The following LCK variants were observed in gnomAD, a reference collection of about 807,000 sequenced individuals.
LCK encodes LCK proto-oncogene, Src family tyrosine kinase.
In LCK, 14 loss-of-function variants were observed where a neutral mutation model predicts 64.6. That is an observed-to-expected ratio of 0.22 (90% CI 0.14 to 0.34). The LOEUF is 0.34. Ranked by LOEUF, LCK falls within the 10% of genes least tolerant of loss-of-function variation. LCK has a pLI of 1.00. For synonymous variants in LCK, 277 were observed against 263.6 expected, an observed-to-expected ratio of 1.05 and a Z score of -0.49; for missense variants, 434 against 668.1, an observed-to-expected ratio of 0.65 and a Z score of 3.86.
intron 1 of LCK, among the ~76,000 whole-genome samples, chr1:32,254,260 T>C (rs1376193617): frequency 6.6e-6 from 1 of 152,152 alleles, no homozygotes; most frequent in Non-Finnish European, 1.5e-5. Flanking sequence ...GGCTCACGCC[T>C]GTAATCCCAG....
chr1:32,256,795 C>T (rs979179633), intron 1 of LCK, among the ~76,000 whole-genome samples: 7 of 152,132 alleles, frequency 4.6e-5, no homozygotes, highest in African/African-American at 1.7e-4. Context: ...GACCTGTACA[C>T]CACTCAGGTG....
intron 12 of LCK, among the ~76,000 whole-genome samples, chr1:32,280,443 CTTTTTTTTTT>C (rs770430504): frequency 1.5e-4 from 13 of 84,756 alleles, no homozygotes; most frequent in Non-Finnish European, 1.9e-4. Context: ...TTTTCTTTTT[CTTTTTTTTTT>C]TTTTTTTTTT....
At chr1:32,259,050 A>G (rs1199723809) in intron 1 of LCK, among the ~76,000 whole-genome samples, 4 of 151,692 alleles carry the variant, frequency 2.6e-5, no homozygotes, top group Non-Finnish European at 1.5e-5. Flanking sequence ...TTATGTATTT[A>G]AACAAATATG....
intron 12 of LCK, among the ~76,000 whole-genome samples, chr1:32,283,285 T>C (rs1640515447): frequency 8.4e-6 from 1 of 119,466 alleles, no homozygotes; most frequent in African/African-American, 3.6e-5. Context: ...CGAGACTCTG[T>C]CTCAAAAAAA....
intron 2 of LCK, 112 bp from the exon 3 acceptor site, chr1:32,274,625 G>A: frequency 1.0e-6 from 1 of 1,000,042 alleles, no homozygotes; most frequent in East Asian, 2.5e-5. Context: ...GGTAAACTCA[G>A]GGATAACATC....
Position 32,276,869 on chromosome 1 carries a change from T to C in LCK, c.964+83T>C. The C allele has an allele frequency of 2.2e-6, 3 of 1,350,878 alleles. No homozygotes were observed. Among genetic ancestry groups the C allele is most frequent in the Non-Finnish European group, 3.0e-6 (3 of 1,014,488 alleles). 83.7% of individuals were successfully genotyped at this position (1,350,878 alleles called of 1,614,324 possible). ...GAGGGTGGAAATACACCTTTTCTTC[T>C]GGCCCAAAGCTCAAGCAAGGAGGGT... On this transcript the variant is annotated intron_variant, in intron 9 of 12. Transcript: ENST00000336890. The surrounding 1 kb of genome is among the most constrained non-coding windows in gnomAD (Gnocchi z 4.6).
At chr1:32,263,495 C>A (rs772907715) in intron 1 of LCK, among the ~76,000 whole-genome samples, 1 of 151,818 alleles carries the variant, frequency 6.6e-6, no homozygotes, top group African/African-American at 2.4e-5. Flanking sequence ...CCAACACTTT[C>A]GGAGTCTGAG....
chr1:32,279,162 G>A (rs1640372828), intron 9 of LCK, among the ~76,000 whole-genome samples: 1 of 152,200 alleles, frequency 6.6e-6, no homozygotes, highest in African/African-American at 2.4e-5. Flanking sequence ...GCCCATGGGA[G>A]TGTAGATGAT....
chr1:32,259,309 G>GA (rs1639708040), intron 1 of LCK, among the ~76,000 whole-genome samples: 1 of 142,096 alleles, frequency 7.0e-6, no homozygotes, highest in African/African-American at 2.6e-5. Context: ...AAAAGAAAAA[G>GA]AAAAAGAAAA....
intron 1 of LCK, among the ~76,000 whole-genome samples, chr1:32,268,022 A>G (rs747946763): frequency 1.2e-4 from 18 of 151,036 alleles, no homozygotes; most frequent in Non-Finnish European, 1.6e-4. Context: ...ATGAAACCCC[A>G]TCTCTACTAA....
In LCK at chr1:32,276,290, C is replaced by G. The variant is rs372584352; in HGVS notation, c.632-47C>G. The G allele has an allele frequency of 3.3e-6, 5 of 1,524,566 alleles. No homozygotes were observed. In the South Asian group the frequency reaches 6.4e-5, roughly 20 times the overall value. 94.4% of individuals were successfully genotyped at this position (1,524,566 alleles called of 1,614,324 possible). On this transcript the variant is annotated intron_variant, in intron 7 of 12. Coordinates refer to ENST00000336890, the MANE Select transcript of LCK (RefSeq NM_005356.5). This position sits in a 1 kb window ranked among gnomAD's most constrained non-coding sequence, Gnocchi z 4.6. ...AGAAGTGGGGGAGGTGGTGTCAATA[C>G]GAGGCCTGCCCTATTGACAGCCTTC...
At chr1:32,283,115 C>G (rs956445903) in intron 12 of LCK, among the ~76,000 whole-genome samples, 1 of 151,652 alleles carries the variant, frequency 6.6e-6, no homozygotes, top group Non-Finnish European at 1.5e-5. Context: ...ATAGTGAAAC[C>G]CCATCTCTAC....
chr1:32,269,631 A>T (rs1485086898), intron 1 of LCK: 1 of 151,674 alleles, frequency 6.6e-6, no homozygotes, highest in East Asian at 2.0e-4. Flanking sequence ...ACAGGGTTTC[A>T]CCATGTTGGC....
At chr1:32,279,461 C>A (rs1490141663) in intron 9 of LCK, 2 of 758,030 alleles carry the variant, frequency 2.6e-6, no homozygotes, top group Non-Finnish European at 4.2e-6. Context: ...ACCTACAGAT[C>A]CCTCCCAGCA....
At chr1:32,254,457 A>T (rs958569058) in intron 1 of LCK, among the ~76,000 whole-genome samples, 3 of 152,182 alleles carry the variant, frequency 2.0e-5, no homozygotes, top group African/African-American at 7.2e-5. Context: ...AGTAACTGGG[A>T]TTACAGGCGT....
At chr1:32,255,808 T>TA (rs1424833681) in intron 1 of LCK, among the ~76,000 whole-genome samples, 2 of 150,230 alleles carry the variant, frequency 1.3e-5, no homozygotes, top group Non-Finnish European at 3.0e-5. Context: ...TTATTTTTTT[T>TA]TTTTTTTTTT....
At position 32,275,792 on chromosome 1, in the gene LCK, C is replaced by A; in HGVS notation, c.481+120C>A. The A allele has an allele frequency of 7.5e-7, 1 of 1,338,378 alleles. No individual in the cohort carries two copies. The highest frequency in any genetic ancestry group is 9.9e-7 in the Non-Finnish European group (1 of 1,007,460). 82.9% of individuals were successfully genotyped at this position (1,338,378 alleles called of 1,614,324 possible). ...GTCGGAGGGGGACGCGGGATGAGCC[C>A]GAGGTGGGGGCGCGGGATGACCCGG... On this transcript the variant is annotated intron_variant, in intron 6 of 12. Transcript: ENST00000336890. The surrounding 1 kb of genome is among the most constrained non-coding windows in gnomAD (Gnocchi z 6.9).
intron 1 of LCK, among the ~76,000 whole-genome samples, chr1:32,273,080 A>G (rs1434129617): frequency 1.0e-5 from 1 of 99,858 alleles, no homozygotes; most frequent in Non-Finnish European, 1.9e-5. Context: ...GTGTAGGGGG[A>G]GTATGTATAG....
intron 12 of LCK, among the ~76,000 whole-genome samples, chr1:32,283,416 A>T (rs1200385838): frequency 6.6e-6 from 1 of 151,722 alleles, no homozygotes; most frequent in Non-Finnish European, 1.5e-5. Context: ...CAAAACTTTG[A>T]TTTTGTAAAT....
Sources: allele counts gnomAD v4.1 joint callset (sites outside exome capture counted in the v4.1 genomes callset), GRCh38; gene constraint gnomAD v4.1.1; non-coding constraint Gnocchi (gnomAD v3.1); transcripts MANE v1.5; gene names NCBI Gene and HGNC (gene_info 2026-07-23, HGNC 2026-07-21).